Variants in CCSER1 observed in about 807,000 individuals in gnomAD.
CCSER1 encodes the protein coiled-coil serine rich protein 1.
In CCSER1, 41 loss-of-function variants were observed where a neutral mutation model predicts 82.0. The ratio of observed to expected loss-of-function variants is 0.50; its 90% CI spans 0.39 to 0.65. CCSER1 has a LOEUF of 0.65. Among genes scored for constraint, CCSER1 ranks in the 30% least tolerant of loss-of-function variants. The pLI is 0.00. For missense variants in CCSER1, 1,119 were observed against 1,064.2 expected, an observed-to-expected ratio of 1.05 and a Z score of -0.72; for synonymous variants, 414 against 383.9, an observed-to-expected ratio of 1.08 and a Z score of -0.92.
At chr4:90,974,827 A>T (rs1334370257) in intron 9 of CCSER1, among the ~76,000 whole-genome samples, 2 of 151,468 alleles carry the variant, frequency 1.3e-5, no homozygotes, top group Admixed American at 1.3e-4. Context: ...AATCTATTAA[A>T]CATAGAATTA....
chr4:90,654,762 G>C (rs544273795), intron 6 of CCSER1, among the ~76,000 whole-genome samples: 24 of 152,090 alleles, frequency 1.6e-4, no homozygotes, highest in Admixed American at 5.3e-4. Context: ...CTTCTTTGGA[G>C]GCCTATTGCC....
chr4:90,268,395 G>A (rs1305308828), intron 1 of CCSER1, among the ~76,000 whole-genome samples: 1 of 152,050 alleles, frequency 6.6e-6, no homozygotes. Flanking sequence ...TAAAAAGTGG[G>A]AATACGAAGT....
intron 3 of CCSER1, among the ~76,000 whole-genome samples, chr4:90,395,662 C>CTT (rs763580259): frequency 0.024 from 3,413 of 140,806 alleles, 137 homozygotes; most frequent in African/African-American, 0.084. Flanking sequence ...GCTCTTATGT[C>CTT]TTTTTTTTTT....
At chr4:90,959,624 C>T (rs1733862596) in intron 9 of CCSER1, among the ~76,000 whole-genome samples, 1 of 152,038 alleles carries the variant, frequency 6.6e-6, no homozygotes, top group African/African-American at 2.4e-5. Flanking sequence ...GAAAACTAGG[C>T]ATCATAGAAT....
chr4:90,491,296 C>A (rs1038030762), intron 5 of CCSER1, among the ~76,000 whole-genome samples: 2 of 152,118 alleles, frequency 1.3e-5, no homozygotes, highest in African/African-American at 4.8e-5. Context: ...AATGGGAGTT[C>A]ACTCATGATT....
chr4:90,594,721 A>G (rs772821139), intron 5 of CCSER1, among the ~76,000 whole-genome samples: 1 of 152,118 alleles, frequency 6.6e-6, no homozygotes, highest in Non-Finnish European at 1.5e-5. Context: ...CCAGCAGAAT[A>G]GTAAATTGTG....
At chr4:90,410,069 AAGAAG>A (rs1255505388) in intron 4 of CCSER1, among the ~76,000 whole-genome samples, 5 of 152,244 alleles carry the variant, frequency 3.3e-5, no homozygotes, top group African/African-American at 1.2e-4. Flanking sequence ...TCAATTCAAC[AAGAAG>A]AGGTAATTAT....
chr4:90,409,632 A>C (rs1754363773), intron 4 of CCSER1, among the ~76,000 whole-genome samples: 1 of 152,206 alleles, frequency 6.6e-6, no homozygotes, highest in Admixed American at 6.5e-5. Flanking sequence ...TGAAGGAAGC[A>C]CTAAACATGG....
intron 10 of CCSER1, among the ~76,000 whole-genome samples, chr4:91,445,261 T>C (rs1338601638): frequency 6.6e-6 from 1 of 152,144 alleles, no homozygotes; most frequent in Non-Finnish European, 1.5e-5. Context: ...TTTTAAGATA[T>C]TTCATCTATT....
chr4:91,454,821 G>T (rs963310864), intron 10 of CCSER1, among the ~76,000 whole-genome samples: 1 of 151,890 alleles, frequency 6.6e-6, no homozygotes, highest in Non-Finnish European at 1.5e-5. Flanking sequence ...GACTCCCCGA[G>T]AAGCTGATGA....
chr4:90,932,957 A>G lies in CCSER1; in HGVS notation c.2172+9510A>G, dbSNP rs868600072. Among the ~76,000 whole-genome samples, 2 of 40,828 alleles carry G rather than the reference A, an allele frequency of 4.9e-5. 1 individual carries two copies. 26.8% of individuals were successfully genotyped at this position (40,828 alleles called of 152,430 possible). A position where few individuals can be genotyped will look rare whatever the true frequency, so the allele number is the denominator to read the frequency against. ...AAGAAAGAAAGAAAGAAAGAAAGAAAGAAAGAAAGAAAGAAAGAAAGAAAG... is the reference window on the plus strand; with the variant it reads ...AAGAAAGAAAGAAAGAAAGAAAGAAGGAAAGAAAGAAAGAAAGAAAGAAAG... On this transcript the variant is annotated intron_variant, in intron 9 of 10. Coordinates refer to ENST00000509176, the MANE Select transcript of CCSER1 (RefSeq NM_001145065.2).
At chr4:90,590,593 A>AG (rs1782569736) in intron 5 of CCSER1, among the ~76,000 whole-genome samples, 1 of 151,930 alleles carries the variant, frequency 6.6e-6, no homozygotes, top group Admixed American at 6.6e-5. Flanking sequence ...AAAAAAAAAA[A>AG]GATCAGATGG....
chr4:90,302,183 G>A (rs1423246170), intron 1 of CCSER1, among the ~76,000 whole-genome samples: 1 of 152,148 alleles, frequency 6.6e-6, no homozygotes, highest in African/African-American at 2.4e-5. Context: ...GGTACAAATT[G>A]CGTATTTTAT....
chr4:91,462,113 T>C (rs1756539077), intron 10 of CCSER1, among the ~76,000 whole-genome samples: 1 of 152,162 alleles, frequency 6.6e-6, no homozygotes, highest in Non-Finnish European at 1.5e-5. Context: ...ATTATATAAA[T>C]GTAATCTTCA....
intron 10 of CCSER1, among the ~76,000 whole-genome samples, chr4:91,308,021 T>G (rs536131930): frequency 6.6e-6 from 1 of 152,066 alleles, no homozygotes; most frequent in South Asian, 2.1e-4. Context: ...ACTCTACTTG[T>G]AGATATTAGT....
intron 10 of CCSER1, among the ~76,000 whole-genome samples, chr4:91,543,741 C>T (rs1313623102): frequency 1.3e-5 from 2 of 152,100 alleles, no homozygotes; most frequent in African/African-American, 4.8e-5. Context: ...ACATTTTTTC[C>T]TTCATTTCAA....
chr4:90,343,628 G>A (rs12651284), intron 3 of CCSER1, among the ~76,000 whole-genome samples: 46,045 of 151,778 alleles, frequency 0.3, 7,145 homozygotes, highest in East Asian at 0.44. Flanking sequence ...AAAACAAAAC[G>A]AAACAAAACA....
intron 9 of CCSER1, among the ~76,000 whole-genome samples, chr4:91,061,756 GTTAAT>G (rs1389197093): frequency 6.6e-6 from 1 of 151,820 alleles, no homozygotes. Flanking sequence ...GTTGTGTGCA[GTTAAT>G]TTATTTTTTT....
intron 8 of CCSER1, among the ~76,000 whole-genome samples, chr4:90,915,379 T>C (rs71463227): frequency 1.3e-5 from 2 of 152,292 alleles, no homozygotes; most frequent in South Asian, 4.2e-4. Flanking sequence ...CCAATAAACG[T>C]AACCCAGCAT....
Sources: allele counts gnomAD v4.1 joint callset (sites outside exome capture counted in the v4.1 genomes callset), GRCh38; gene constraint gnomAD v4.1.1; transcripts MANE v1.5; gene names NCBI Gene and HGNC (gene_info 2026-07-23, HGNC 2026-07-21).